Variants in ARHGEF28 observed in about 807,000 individuals in gnomAD.
ARHGEF28 encodes the protein Rho guanine nucleotide exchange factor 28.
Under a neutral mutation model 206.6 loss-of-function variants are expected in ARHGEF28, and 152 were observed. That is an observed-to-expected ratio of 0.74 (90% confidence interval 0.64 to 0.84). The LOEUF (loss-of-function observed/expected upper bound fraction) is 0.84, where lower values mean the gene tolerates loss of function less well. Among genes scored for constraint, ARHGEF28 ranks in the 40% least tolerant of loss-of-function variants. ARHGEF28 has a pLI of 0.00. For synonymous variants in ARHGEF28, 763 were observed against 776.4 expected (o/e 0.98, Z 0.29); for missense variants, 2,028 against 2,073.2 (o/e 0.98, Z 0.42).
chr5:73,738,513 G>GTGTGTA (rs1288916121), intron 2 of ARHGEF28, among the ~76,000 whole-genome samples: 1 of 150,140 alleles, frequency 6.7e-6, no homozygotes, highest in Non-Finnish European at 1.5e-5. Flanking sequence ...GTGTGTGTGT[G>GTGTGTA]TGTGTATGTA....
intron 35 of ARHGEF28, among the ~76,000 whole-genome samples, chr5:73,916,515 G>A (rs1434296700): frequency 1.3e-5 from 2 of 152,162 alleles, no homozygotes; most frequent in African/African-American, 4.8e-5. Context: ...CTTGACTTGC[G>A]GATGAGATGG....
chr5:73,836,536 G>C lies in ARHGEF28; in HGVS notation c.1147-3944G>C, dbSNP rs529705840. 9.9e-5 allele frequency among the ~76,000 whole-genome samples: 15 copies of C among 152,072 alleles called. No homozygotes were observed. The East Asian group carries it at 2.7e-3, about 27-fold the overall frequency. ...TTGTTTGTTTTTGCTATTGAGTTGCGTGAGTTCCTTACATATTTTGGGTAT... is the reference window on the plus strand; with the variant it reads ...TTGTTTGTTTTTGCTATTGAGTTGCCTGAGTTCCTTACATATTTTGGGTAT... On this transcript the variant is annotated intron_variant, in intron 10 of 35. Coordinates refer to ENST00000513042, the MANE Select transcript of ARHGEF28 (RefSeq NM_001177693.2).
intron 21 of ARHGEF28, among the ~76,000 whole-genome samples, chr5:73,870,615 A>C (rs1760046804): frequency 6.6e-6 from 1 of 152,214 alleles, no homozygotes; most frequent in Admixed American, 6.5e-5. Flanking sequence ...GGGCTATTGC[A>C]TATGGCCTTC....
intron 4 of ARHGEF28, among the ~76,000 whole-genome samples, chr5:73,753,603 AGACATGT>A (rs1406171565): frequency 6.6e-6 from 1 of 152,242 alleles, no homozygotes; most frequent in African/African-American, 2.4e-5. Context: ...AACACCTGGA[AGACATGT>A]GACCACATGG....
intron 1 of ARHGEF28, among the ~76,000 whole-genome samples, chr5:73,660,405 C>G (rs774702787): frequency 1.3e-5 from 2 of 152,182 alleles, no homozygotes; most frequent in Non-Finnish European, 2.9e-5. Flanking sequence ...CCCCTCAAAC[C>G]CTCATCCACG....
At chr5:73,939,962 A>C (rs2112068143) in intron 35 of ARHGEF28, among the ~76,000 whole-genome samples, 1 of 152,230 alleles carries the variant, frequency 6.6e-6, no homozygotes. Flanking sequence ...CTGAAAAATA[A>C]GCAGGTGGGC....
intron 2 of ARHGEF28, among the ~76,000 whole-genome samples, chr5:73,705,959 G>A (rs1311494819): frequency 1.3e-5 from 2 of 152,160 alleles, no homozygotes; most frequent in African/African-American, 4.8e-5. Flanking sequence ...GCACGTGGCG[G>A]TGTTCAGCAA....
intron 2 of ARHGEF28, among the ~76,000 whole-genome samples, chr5:73,747,896 T>A (rs959753002): frequency 1.3e-5 from 2 of 152,212 alleles, no homozygotes; most frequent in African/African-American, 4.8e-5. Flanking sequence ...GCAATTAAAC[T>A]CTCATAAGCT....
At chr5:73,854,144 A>G (rs958157474) in intron 14 of ARHGEF28, among the ~76,000 whole-genome samples, 1 of 151,066 alleles carries the variant, frequency 6.6e-6, no homozygotes, top group Admixed American at 6.6e-5. Context: ...CTTTCATCTC[A>G]CCCACTCTAT....
At chr5:73,850,109 GC>G (rs1386164393) in intron 13 of ARHGEF28, among the ~76,000 whole-genome samples, 3 of 127,822 alleles carry the variant, frequency 2.3e-5, no homozygotes, top group African/African-American at 3.4e-5. Context: ...TTTATGCCAT[GC>G]AGAACAATAC....
intron 2 of ARHGEF28, among the ~76,000 whole-genome samples, chr5:73,686,574 A>G (rs1198803696): frequency 6.9e-6 from 1 of 145,500 alleles, no homozygotes; most frequent in African/African-American, 2.6e-5. Flanking sequence ...GCTGGAGTGC[A>G]GTGGTGCGGT....
At chr5:73,938,184 A>ACACACACC (rs1460559890) in intron 35 of ARHGEF28, among the ~76,000 whole-genome samples, 16 of 147,098 alleles carry the variant, frequency 1.1e-4, no homozygotes, top group Middle Eastern at 3.5e-3. Flanking sequence ...ACACACACAC[A>ACACACACC]CACACACACA....
chr5:73,763,420 G>A (rs1218712601), intron 4 of ARHGEF28, among the ~76,000 whole-genome samples: 2 of 152,200 alleles, frequency 1.3e-5, no homozygotes, highest in East Asian at 1.9e-4. Flanking sequence ...CTGCCTGGCT[G>A]TAGGCGAATG....
chr5:73,760,824 T>C (rs572957898), intron 4 of ARHGEF28, among the ~76,000 whole-genome samples: 13 of 152,298 alleles, frequency 8.5e-5, no homozygotes, highest in African/African-American at 3.1e-4. Context: ...TTTAAGTAGG[T>C]AAACTCTTAT....
intron 35 of ARHGEF28, among the ~76,000 whole-genome samples, chr5:73,912,591 ATTAC>A (rs901341272): frequency 7.9e-5 from 12 of 152,342 alleles, no homozygotes; most frequent in Non-Finnish European, 1.6e-4. Context: ...AATTCTTTAC[ATTAC>A]TTAAGTCACC....
At chr5:73,736,060 G>A (rs1235306035) in intron 2 of ARHGEF28, among the ~76,000 whole-genome samples, 1 of 152,178 alleles carries the variant, frequency 6.6e-6, no homozygotes, top group Admixed American at 6.5e-5. Context: ...CATACCATCT[G>A]TGCCTAACAC....
intron 2 of ARHGEF28, among the ~76,000 whole-genome samples, chr5:73,722,322 G>T (rs1360212148): frequency 6.6e-6 from 1 of 152,188 alleles, no homozygotes; most frequent in Non-Finnish European, 1.5e-5. Context: ...TGCTAAGTAT[G>T]ATTTCCTCTC....
At chr5:73,728,584 C>T (rs1031418051) in intron 2 of ARHGEF28, among the ~76,000 whole-genome samples, 1 of 152,208 alleles carries the variant, frequency 6.6e-6, no homozygotes, top group East Asian at 1.9e-4. Flanking sequence ...GTTTTTCCTT[C>T]TCGTCCAGAA....
At chr5:73,716,547 G>A (rs889064191) in intron 2 of ARHGEF28, among the ~76,000 whole-genome samples, 35 of 152,108 alleles carry the variant, frequency 2.3e-4, no homozygotes, top group Non-Finnish European at 4.9e-4. Context: ...CCCTAGGAGC[G>A]TCCTCATTGT....
Sources: allele counts gnomAD v4.1 joint callset (sites outside exome capture counted in the v4.1 genomes callset), GRCh38; gene constraint gnomAD v4.1.1; transcripts MANE v1.5; gene names NCBI Gene and HGNC (gene_info 2026-07-23, HGNC 2026-07-21).